The following CSMD2 variants were observed in gnomAD, a reference collection of about 807,000 sequenced individuals.
CSMD2 encodes the protein CUB and sushi domain-containing protein 2.
A neutral mutation model predicts 398.5 loss-of-function variants in CSMD2; 130 were observed. That is an observed-to-expected ratio of 0.33 (90% CI 0.28 to 0.38). CSMD2 has a LOEUF of 0.38. CSMD2 is among the 10% of genes least tolerant of loss of function. CSMD2 has a pLI of 1.00. For synonymous variants in CSMD2, 1,828 were observed against 1,908.5 expected, an observed-to-expected ratio of 0.96 and a Z score of 1.10; for missense variants, 3,829 against 4,764.9, an observed-to-expected ratio of 0.80 and a Z score of 5.78.
chr1:34,024,092 G>C (rs1649307806), intron 3 of CSMD2, among the ~76,000 whole-genome samples: 1 of 152,236 alleles, frequency 6.6e-6, no homozygotes, highest in Admixed American at 6.5e-5. Context: ...CTAGGGTTTG[G>C]ATCCACATCT....
chr1:33,700,483 C>A, intron 23 of CSMD2, 34 bp downstream of exon 23: 1 of 1,607,412 alleles, frequency 6.2e-7, no homozygotes, highest in Non-Finnish European at 8.5e-7. Context: ...GAAACCCTGA[C>A]TTCCTTGTCC....
chr1:34,032,212 T>G (rs138877971), intron 3 of CSMD2, among the ~76,000 whole-genome samples: 54 of 152,278 alleles, frequency 3.5e-4, no homozygotes, highest in African/African-American at 1.2e-3. Flanking sequence ...AGTTGCTTAT[T>G]TTATTTCTTT....
At chr1:33,631,224 A>G (rs1305398314) in intron 32 of CSMD2, among the ~76,000 whole-genome samples, 1 of 152,194 alleles carries the variant, frequency 6.6e-6, no homozygotes, top group Admixed American at 6.5e-5. Context: ...CACTAATACA[A>G]AGCAGGGTAA....
intron 2 of CSMD2, among the ~76,000 whole-genome samples, chr1:34,040,348 G>A (rs903085862): frequency 1.3e-5 from 2 of 152,162 alleles, no homozygotes; most frequent in Admixed American, 1.3e-4. Flanking sequence ...AGAAAATACA[G>A]ACAATTAAAA....
rs1570962058 is a variant in CSMD2 at position 34,058,602 on chromosome 1, A to G, written c.405-25896T>C. On this transcript the variant is annotated intron_variant, in intron 2 of 70. Coordinates refer to ENST00000373381, the MANE Select transcript of CSMD2 (RefSeq NM_001281956.2). ...AAGGCAGACGAGACAGGGAGAAGGC[A>G]GGGTTTAGAGCTGGAATCACCACCT... 3.3e-5 allele frequency among the ~76,000 whole-genome samples: 5 copies of G among 152,346 alleles called. No homozygotes were observed. In the South Asian group the frequency reaches 8.3e-4, roughly 25 times the overall value.
chr1:33,868,873 G>A (rs938763375), intron 5 of CSMD2: 1 of 152,188 alleles, frequency 6.6e-6, no homozygotes, highest in African/African-American at 2.4e-5. Context: ...TGAAATGGAT[G>A]GTCAGAAGTT....
At chr1:34,085,586 A>C (rs774376417) in intron 2 of CSMD2, among the ~76,000 whole-genome samples, 1 of 152,160 alleles carries the variant, frequency 6.6e-6, no homozygotes, top group Non-Finnish European at 1.5e-5. Context: ...GTTGGTAGTC[A>C]ATTCTAAAAC....
intron 13 of CSMD2, among the ~76,000 whole-genome samples, chr1:33,748,656 A>C (rs1277588989): frequency 2.0e-5 from 3 of 152,224 alleles, no homozygotes; most frequent in Non-Finnish European, 4.4e-5. Flanking sequence ...TCCAAATATC[A>C]TATTTAAAAC....
At chr1:33,708,494 C>T (rs879842424) in intron 22 of CSMD2, among the ~76,000 whole-genome samples, 1 of 152,112 alleles carries the variant, frequency 6.6e-6, no homozygotes, top group Admixed American at 6.5e-5. Flanking sequence ...TGAACACACA[C>T]ATGCATATAT....
intron 22 of CSMD2, among the ~76,000 whole-genome samples, chr1:33,705,854 C>G (rs1645758522): frequency 6.6e-6 from 1 of 151,108 alleles, no homozygotes; most frequent in African/African-American, 2.4e-5. Context: ...TGATTATGTC[C>G]CTTTTCAATT....
At chr1:33,587,430 C>T (rs573087074) in intron 44 of CSMD2, among the ~76,000 whole-genome samples, 3 of 152,118 alleles carry the variant, frequency 2.0e-5, no homozygotes, top group Admixed American at 1.3e-4. Context: ...GGGAGAGGAG[C>T]GTTTTCTGAG....
At chr1:34,013,364 G>A (rs1022088068) in intron 3 of CSMD2, among the ~76,000 whole-genome samples, 4 of 152,124 alleles carry the variant, frequency 2.6e-5, no homozygotes, top group Admixed American at 6.5e-5. Context: ...TCCCTCAGAG[G>A]GGCATCCTCT....
chr1:34,090,476 G>A (rs1658427457), intron 1 of CSMD2, among the ~76,000 whole-genome samples: 1 of 152,010 alleles, frequency 6.6e-6, no homozygotes, highest in Non-Finnish European at 1.5e-5. Context: ...TCCCTCTGTG[G>A]GCCAGGCCCA....
chr1:33,962,892 G>A (rs538170015), intron 3 of CSMD2, among the ~76,000 whole-genome samples: 5 of 152,228 alleles, frequency 3.3e-5, no homozygotes, highest in Admixed American at 2.0e-4. Context: ...TAACCACACT[G>A]TTTATTTTCT....
rs766529082 is a variant in CSMD2 at position 33,624,493 on chromosome 1, C to T, written c.5625+26G>A. 5.7e-5 allele frequency: 91 copies of T among 1,610,220 alleles called. No individual in the cohort carries two copies. The highest frequency in any genetic ancestry group is 1.7e-4 in the Admixed American group (10 of 59,870). On this transcript the variant is annotated intron_variant, in intron 35 of 70. Coordinates refer to ENST00000373381, the MANE Select transcript of CSMD2 (RefSeq NM_001281956.2). The surrounding 1 kb of genome is among the most constrained non-coding windows in gnomAD (Gnocchi z 4.7). ...ACCTGGGAGCAGACGGCCACCTGCC[C>T]GACCGAGGCGCCCCCTTGCCCCTAC...
intron 35 of CSMD2, among the ~76,000 whole-genome samples, 153 bp from the exon 36 acceptor site, chr1:33,623,619 A>T (rs1278877760): frequency 6.6e-6 from 1 of 152,228 alleles, no homozygotes; most frequent in Non-Finnish European, 1.5e-5. Context: ...TAAAAGTAAG[A>T]TGCAGAACCG....
intron 15 of CSMD2, among the ~76,000 whole-genome samples, chr1:33,730,029 G>T (rs1022679774): frequency 6.6e-6 from 1 of 152,216 alleles, no homozygotes; most frequent in Non-Finnish European, 1.5e-5. Context: ...CACTATTTGT[G>T]ATAGCAAATG....
intron 28 of CSMD2, among the ~76,000 whole-genome samples, chr1:33,648,361 C>CAAAAAAAAA (rs61207590): frequency 8.4e-5 from 6 of 71,834 alleles, no homozygotes; most frequent in East Asian, 4.5e-4. Flanking sequence ...GACTCTGTCT[C>CAAAAAAAAA]AAAAAAAAAA....
chr1:33,519,532 A>G lies in CSMD2; in HGVS notation c.10882T>C (p.Cys3628Arg). 2.5e-6 allele frequency: 4 copies of G among 1,613,570 alleles called. No individual in the cohort carries two copies. Among genetic ancestry groups the G allele is most frequent in the Non-Finnish European group, 3.4e-6 (4 of 1,179,924 alleles). Residue 3628 changes from cysteine to arginine, a missense_variant, in exon 70 of 71, where the codon TGC becomes CGC. Coordinates refer to ENST00000373381, the MANE Select transcript of CSMD2 (RefSeq NM_001281956.2). The surrounding 1 kb of genome is among the most constrained non-coding windows in gnomAD (Gnocchi z 5.6). ...SEAEFTVSTV[C>R]TAV is the part of the protein sequence containing the mutation. ...AGGCCGGGTGGCTATACTGCTGTGC[A>G]CACTGTGCTGACTGTGAACTCCGCC...
Sources: gnomAD v4.1 joint callset for allele counts (sites outside exome capture counted in the v4.1 genomes callset) on GRCh38, gnomAD v4.1.1 for gene constraint, Gnocchi (gnomAD v3.1) non-coding constraint, MANE v1.5 for transcripts, NCBI Gene and HGNC (gene_info 2026-07-23, HGNC 2026-07-21) for gene names.